Variants in ADCY2 observed in about 807,000 individuals in gnomAD.
The protein encoded by ADCY2 is adenylate cyclase 2, also known as adenylate cyclase type 2.
In ADCY2, 31 loss-of-function variants were observed where a neutral mutation model predicts 125.2. That is an observed-to-expected ratio of 0.25 (90% CI 0.19 to 0.33). The LOEUF (loss-of-function observed/expected upper bound fraction) is 0.33. Among genes scored for constraint, ADCY2 ranks in the 10% least tolerant of loss-of-function variants. ADCY2 has a pLI of 1.00. For synonymous variants in ADCY2, 512 were observed against 548.4 expected (o/e 0.93, Z 0.93); for missense variants, 904 against 1,418.2 (o/e 0.64, Z 5.82).
intron 24 of ADCY2, among the ~76,000 whole-genome samples, chr5:7,822,131 G>A (rs1745320567): frequency 6.6e-6 from 1 of 152,054 alleles, no homozygotes; most frequent in Admixed American, 6.5e-5. Context: ...AAGATAAAGA[G>A]GTGCATGTCA....
intron 4 of ADCY2, among the ~76,000 whole-genome samples, chr5:7,664,892 A>G (rs1561153650): frequency 1.3e-5 from 2 of 152,132 alleles, no homozygotes; most frequent in African/African-American, 4.8e-5. Flanking sequence ...TAACCTCAAC[A>G]TTCCTTTTCA....
At chr5:7,770,430 A>G (rs1328928594) in intron 17 of ADCY2, among the ~76,000 whole-genome samples, 1 of 152,100 alleles carries the variant, frequency 6.6e-6, no homozygotes, top group Non-Finnish European at 1.5e-5. Flanking sequence ...AACTTTAATT[A>G]TAACAGTGGT....
chr5:7,623,355 C>G (rs1399893163), intron 3 of ADCY2, among the ~76,000 whole-genome samples: 4 of 152,192 alleles, frequency 2.6e-5, no homozygotes, highest in Non-Finnish European at 5.9e-5. Flanking sequence ...GCATGGTTTG[C>G]GTTGGCTTCT....
chr5:7,406,958 G>A (rs1280578098), intron 1 of ADCY2, among the ~76,000 whole-genome samples: 1 of 152,178 alleles, frequency 6.6e-6, no homozygotes, highest in Non-Finnish European at 1.5e-5. Flanking sequence ...CACACTCTGA[G>A]TTTACTTTTC....
intron 2 of ADCY2, among the ~76,000 whole-genome samples, chr5:7,515,545 T>C (rs1238614026): frequency 1.3e-5 from 2 of 152,200 alleles, no homozygotes; most frequent in African/African-American, 4.8e-5. Context: ...GTTGAGTGTT[T>C]CAGTGTAATT....
chr5:7,508,340 A>G (rs928935572), intron 2 of ADCY2, among the ~76,000 whole-genome samples: 19 of 152,130 alleles, frequency 1.2e-4, no homozygotes, highest in Non-Finnish European at 2.2e-4. Flanking sequence ...ATTGCAATAT[A>G]ATTTATTTCA....
At chr5:7,688,711 CAGAA>C (rs1372478334) in intron 4 of ADCY2, among the ~76,000 whole-genome samples, 1 of 152,048 alleles carries the variant, frequency 6.6e-6, no homozygotes, top group Non-Finnish European at 1.5e-5. Context: ...AATCAATAAA[CAGAA>C]AGAATAGGAA....
At chr5:7,740,000 T>C (rs912236833) in intron 14 of ADCY2, among the ~76,000 whole-genome samples, 1 of 151,948 alleles carries the variant, frequency 6.6e-6, no homozygotes, top group Admixed American at 6.6e-5. Flanking sequence ...ATAGAAAGAA[T>C]TGGTCAAATA....
At chr5:7,527,564 G>C (rs1310617460) in intron 3 of ADCY2, among the ~76,000 whole-genome samples, 1 of 152,156 alleles carries the variant, frequency 6.6e-6, no homozygotes, top group Non-Finnish European at 1.5e-5. Context: ...AAGCAAGCCA[G>C]TTATGCAAGA....
At chr5:7,435,609 T>C (rs985305816) in intron 2 of ADCY2, among the ~76,000 whole-genome samples, 1 of 152,222 alleles carries the variant, frequency 6.6e-6, no homozygotes, top group Non-Finnish European at 1.5e-5. Context: ...ATAGTTCCAA[T>C]TGGAAAATCA....
chr5:7,580,616 G>A (rs1303211139), intron 3 of ADCY2, among the ~76,000 whole-genome samples: 2 of 152,152 alleles, frequency 1.3e-5, no homozygotes, highest in South Asian at 2.1e-4. Flanking sequence ...TAACATATTT[G>A]TAATGGAGTC....
intron 2 of ADCY2, among the ~76,000 whole-genome samples, chr5:7,502,253 C>T (rs1258532941): frequency 6.6e-6 from 1 of 152,204 alleles, no homozygotes; most frequent in Non-Finnish European, 1.5e-5. Flanking sequence ...ATGCTATTTA[C>T]TTGGTGGCAG....
rs1031773106 is a variant in ADCY2 at position 7,491,846 on chromosome 5, A to T, written c.409-28892A>T. On this transcript the variant is annotated intron_variant, in intron 2 of 24. Coordinates refer to ENST00000338316, the MANE Select transcript of ADCY2 (RefSeq NM_020546.3). Reference sequence around the variant, plus strand: ...TTTTTTATAAGCACAAAACAACCAAACAAGTTGTTCTGTTTTATTCATCTA... The same window carrying T: ...TTTTTTATAAGCACAAAACAACCAATCAAGTTGTTCTGTTTTATTCATCTA... 3.3e-5 allele frequency among the ~76,000 whole-genome samples: 5 copies of T among 152,222 alleles called. No individual in the cohort carries two copies. In the South Asian group the frequency reaches 1.0e-3, roughly 32 times the overall value.
intron 3 of ADCY2, among the ~76,000 whole-genome samples, chr5:7,615,384 T>C (rs4702480): frequency 0.14 from 21,395 of 152,212 alleles, 1,976 homozygotes; most frequent in East Asian, 0.43. Flanking sequence ...ATGTGACTTA[T>C]AGCTCTTTCT....
At chr5:7,588,591 G>A (rs947476515) in intron 3 of ADCY2, among the ~76,000 whole-genome samples, 2 of 152,078 alleles carry the variant, frequency 1.3e-5, no homozygotes, top group Non-Finnish European at 2.9e-5. Flanking sequence ...CAGCTTCATG[G>A]GCCAAACTAC....
chr5:7,421,454 C>T (rs1459445892), intron 2 of ADCY2, among the ~76,000 whole-genome samples: 1 of 152,216 alleles, frequency 6.6e-6, no homozygotes, highest in Non-Finnish European at 1.5e-5. Context: ...GTGGTAGCTC[C>T]TCTGTGGCTC....
intron 22 of ADCY2, among the ~76,000 whole-genome samples, chr5:7,814,287 A>G (rs1457019070): frequency 6.6e-6 from 1 of 152,050 alleles, no homozygotes; most frequent in Non-Finnish European, 1.5e-5. Context: ...TTCTCCATTC[A>G]TATTTATACT....
chr5:7,723,931 A>AAAAAAC (rs1353614426), intron 12 of ADCY2, among the ~76,000 whole-genome samples: 1 of 147,000 alleles, frequency 6.8e-6, no homozygotes, highest in Non-Finnish European at 1.5e-5. Flanking sequence ...AAAAAAAAAA[A>AAAAAAC]AAAAAAAAAA....
intron 2 of ADCY2, among the ~76,000 whole-genome samples, chr5:7,497,486 T>G (rs1743381126): frequency 6.6e-6 from 1 of 152,106 alleles, no homozygotes; most frequent in Non-Finnish European, 1.5e-5. Flanking sequence ...AGTATTCTAG[T>G]GTCAGTAATA....
Sources: allele counts gnomAD v4.1 joint callset (sites outside exome capture counted in the v4.1 genomes callset), GRCh38; gene constraint gnomAD v4.1.1; transcripts MANE v1.5; gene names NCBI Gene and HGNC (gene_info 2026-07-23, HGNC 2026-07-21).